RAB38: variants seen among roughly 807,000 people sequenced by gnomAD.
The protein encoded by RAB38 is ras-related protein Rab-38.
Under a neutral mutation model 18.4 loss-of-function variants are expected in RAB38, and 15 were observed. That is an observed-to-expected ratio of 0.82 (90% CI 0.55 to 1.26). The LOEUF (loss-of-function observed/expected upper bound fraction) is 1.26. RAB38 is among the 50% of genes most tolerant of loss of function. RAB38 has a pLI of 0.00. For synonymous variants in RAB38, 101 were observed against 104.4 expected (o/e 0.97, Z 0.20); for missense variants, 294 against 267.4 (o/e 1.10, Z -0.69).
intron 1 of RAB38, among the ~76,000 whole-genome samples, chr11:88,171,064 G>A (rs1943306558): frequency 6.6e-6 from 1 of 152,120 alleles, no homozygotes; most frequent in African/African-American, 2.4e-5. Context: ...GCAATGCTGG[G>A]GAGATCAAGT....
chr11:88,100,639 T>C, the RAB38 span, among the ~76,000 whole-genome samples: 1 of 152,000 alleles, frequency 6.6e-6, no homozygotes, highest in African/African-American at 2.4e-5. Context: ...GGTGTAAACC[T>C]CAATAGCATT....
At chr11:87,845,908 C>T in the RAB38 span, among the ~76,000 whole-genome samples, 16 of 152,124 alleles carry the variant, frequency 1.1e-4, no homozygotes, top group East Asian at 2.3e-3. Context: ...TCTTGCAAAC[C>T]GTAATTCTAT....
the RAB38 span, among the ~76,000 whole-genome samples, chr11:87,891,003 T>C: frequency 6.6e-6 from 1 of 151,862 alleles, no homozygotes; most frequent in African/African-American, 2.4e-5. Context: ...TGTACCTGCA[T>C]AGGTCACACT....
At chr11:87,849,714 C>T in the RAB38 span, among the ~76,000 whole-genome samples, 1 of 152,154 alleles carries the variant, frequency 6.6e-6, no homozygotes, top group African/African-American at 2.4e-5. Context: ...ATTGTTTTGC[C>T]ATCTTTTCAT....
chr11:88,007,500 TTAAATTA>T, the RAB38 span, among the ~76,000 whole-genome samples: 1 of 152,004 alleles, frequency 6.6e-6, no homozygotes, highest in Non-Finnish European at 1.5e-5. Flanking sequence ...TGAGAAAATC[TTAAATTA>T]TAAATTATTA....
chr11:87,934,652 C>T, the RAB38 span, among the ~76,000 whole-genome samples: 2 of 152,176 alleles, frequency 1.3e-5, no homozygotes, highest in Non-Finnish European at 2.9e-5. Flanking sequence ...TGTACATCTT[C>T]CAAGCCTACC....
At chr11:87,838,665 G>A in the RAB38 span, among the ~76,000 whole-genome samples, 1 of 152,128 alleles carries the variant, frequency 6.6e-6, no homozygotes, top group Non-Finnish European at 1.5e-5. Context: ...TAAATAAAAC[G>A]CCAGTGATGT....
chr11:88,088,628 G>C, the RAB38 span, among the ~76,000 whole-genome samples: 1 of 151,792 alleles, frequency 6.6e-6, no homozygotes, highest in Non-Finnish European at 1.5e-5. Context: ...GCATGGTGAG[G>C]TGTGTCTGAC....
At chr11:87,925,381 T>G in the RAB38 span, among the ~76,000 whole-genome samples, 2 of 152,102 alleles carry the variant, frequency 1.3e-5, no homozygotes, top group Non-Finnish European at 2.9e-5. Context: ...TACCAGGCAT[T>G]GTGCTAAGCA....
At chr11:87,891,698 T>C in the RAB38 span, among the ~76,000 whole-genome samples, 1 of 151,892 alleles carries the variant, frequency 6.6e-6, no homozygotes, top group African/African-American at 2.4e-5. Context: ...ATTTGGAATA[T>C]GTATTTTGAA....
chr11:87,851,684 G>A, the RAB38 span, among the ~76,000 whole-genome samples: 1 of 152,150 alleles, frequency 6.6e-6, no homozygotes, highest in African/African-American at 2.4e-5. Flanking sequence ...ACTCATATGA[G>A]GTTGAAGTTG....
chr11:87,945,429 A>C, the RAB38 span, among the ~76,000 whole-genome samples: 2 of 152,156 alleles, frequency 1.3e-5, no homozygotes, highest in African/African-American at 4.8e-5. Context: ...GAAATGGAGC[A>C]ATTTAACAAA....
chr11:88,041,548 C>G, the RAB38 span, among the ~76,000 whole-genome samples: 2 of 152,102 alleles, frequency 1.3e-5, no homozygotes, highest in African/African-American at 2.4e-5. Context: ...AGGTCAATGT[C>G]TAGAGTTTGG....
At chr11:87,834,053 A>G in the RAB38 span, among the ~76,000 whole-genome samples, 1 of 152,214 alleles carries the variant, frequency 6.6e-6, no homozygotes, top group African/African-American at 2.4e-5. Flanking sequence ...AGGAAATCAG[A>G]GAGATTCAAG....
chr11:88,088,895 T>C, the RAB38 span, among the ~76,000 whole-genome samples: 3 of 151,630 alleles, frequency 2.0e-5, no homozygotes, highest in African/African-American at 7.3e-5. Context: ...CAAAATGCTT[T>C]AGCATCAGGC....
the RAB38 span, among the ~76,000 whole-genome samples, chr11:88,012,634 C>T: frequency 6.6e-6 from 1 of 152,104 alleles, no homozygotes; most frequent in African/African-American, 2.4e-5. Context: ...CAGCTCTTAA[C>T]ACAGAAATTA....
At chr11:88,036,960 G>A in the RAB38 span, among the ~76,000 whole-genome samples, 1 of 151,962 alleles carries the variant, frequency 6.6e-6, no homozygotes, top group Non-Finnish European at 1.5e-5. Flanking sequence ...AGTTTTGTGT[G>A]TGTGTCTTTG....
rs1488137144 is a variant in RAB38, at chr11:88,145,207, T to C, written c.483+4468A>G. On this transcript the variant is annotated intron_variant, in intron 2 of 2. Transcript: ENST00000243662. ...TCAAGTCGCCCAGGCTGGTGAGCAA[T>C]GGCGCGATCTCAGGTCACTGCAACC... 3.3e-5 allele frequency among the ~76,000 whole-genome samples: 5 copies of C among 151,892 alleles called. 1 individual carries two copies. In the East Asian group the frequency reaches 7.8e-4, roughly 24 times the overall value.
At chr11:87,852,582 A>C in the RAB38 span, among the ~76,000 whole-genome samples, 2 of 152,168 alleles carry the variant, frequency 1.3e-5, no homozygotes, top group East Asian at 1.9e-4. Context: ...CCACGGTTCA[A>C]ATGCTAGGCA....
Sources: allele counts gnomAD v4.1 joint callset (sites outside exome capture counted in the v4.1 genomes callset), GRCh38; gene constraint gnomAD v4.1.1; transcripts MANE v1.5; gene names NCBI Gene and HGNC (gene_info 2026-07-23, HGNC 2026-07-21).